Variants in SMAP1 observed in about 807,000 individuals in gnomAD.
SMAP1 encodes stromal membrane-associated protein 1.
In SMAP1, 24 loss-of-function variants were observed where a neutral mutation model predicts 58.5. That is an observed-to-expected ratio of 0.41 (90% CI 0.30 to 0.58). The LOEUF is 0.58. SMAP1 is among the 20% of genes least tolerant of loss of function. The pLI is 0.29. For synonymous variants in SMAP1, 216 were observed against 196.6 expected, an observed-to-expected ratio of 1.10 and a Z score of -0.82; for missense variants, 563 against 566.3, an observed-to-expected ratio of 0.99 and a Z score of 0.06.
At chr6:70,790,201 C>T (rs1418318643) in intron 4 of SMAP1, among the ~76,000 whole-genome samples, 3 of 152,010 alleles carry the variant, frequency 2.0e-5, no homozygotes, top group South Asian at 2.1e-4. Context: ...AGTGCAGTGG[C>T]GTGATCTTGG....
chr6:70,758,470 T>C (rs988231658), intron 3 of SMAP1, among the ~76,000 whole-genome samples: 2 of 151,610 alleles, frequency 1.3e-5, no homozygotes, highest in Non-Finnish European at 2.9e-5. Flanking sequence ...TGTATACATA[T>C]GTAACTAACC....
At chr6:70,673,318 G>A (rs13196394) in intron 1 of SMAP1, among the ~76,000 whole-genome samples, 18,868 of 152,262 alleles carry the variant, frequency 0.12, 1,469 homozygotes, top group South Asian at 0.2. Context: ...ACCACTTAGT[G>A]TCTGTAGACG....
intron 1 of SMAP1, among the ~76,000 whole-genome samples, chr6:70,694,951 T>A (rs1406507889): frequency 1.3e-5 from 2 of 152,224 alleles, no homozygotes; most frequent in African/African-American, 4.8e-5. Flanking sequence ...ATATTTCCGT[T>A]TTTTTGTGCG....
intron 3 of SMAP1, chr6:70,759,910 C>T (rs1182793217): frequency 2.3e-6 from 1 of 432,266 alleles, no homozygotes; most frequent in Non-Finnish European, 4.6e-6. Flanking sequence ...CTGACCATGG[C>T]ATTTTATGTA....
intron 3 of SMAP1, among the ~76,000 whole-genome samples, chr6:70,771,640 C>G (rs963857906): frequency 6.6e-6 from 1 of 152,148 alleles, no homozygotes; most frequent in South Asian, 2.1e-4. Flanking sequence ...CCCGATTTTC[C>G]AGGTGCCGTC....
chr6:70,756,250 T>C (rs548991072), intron 3 of SMAP1, among the ~76,000 whole-genome samples: 1 of 152,080 alleles, frequency 6.6e-6, no homozygotes, highest in Non-Finnish European at 1.5e-5. Context: ...TCAATTATAT[T>C]GTACCCATTT....
intron 10 of SMAP1, chr6:70,859,419 A>G (rs1771598409): frequency 6.5e-7 from 1 of 1,537,924 alleles, no homozygotes; most frequent in East Asian, 2.5e-5. Flanking sequence ...TTTAGTAGGT[A>G]TGAAGACGTG....
intron 3 of SMAP1, among the ~76,000 whole-genome samples, chr6:70,755,962 A>C (rs1350627225): frequency 6.6e-6 from 1 of 152,086 alleles, no homozygotes; most frequent in Non-Finnish European, 1.5e-5. Context: ...TGTTTGCTTT[A>C]TGAATCCACC....
chr6:70,682,572 AT>A (rs1252983059), intron 1 of SMAP1, among the ~76,000 whole-genome samples: 1 of 152,152 alleles, frequency 6.6e-6, no homozygotes. Context: ...ACTGATTGGT[AT>A]GTTTTCTAAC....
intron 3 of SMAP1, among the ~76,000 whole-genome samples, chr6:70,766,538 T>C (rs1766994644): frequency 6.6e-6 from 1 of 152,214 alleles, no homozygotes; most frequent in Admixed American, 6.5e-5. Context: ...GCTGCATAAA[T>C]GTCTTCTTTT....
chr6:70,760,693 T>A (rs1766711822), intron 3 of SMAP1, among the ~76,000 whole-genome samples: 1 of 152,060 alleles, frequency 6.6e-6, no homozygotes, highest in Admixed American at 6.6e-5. Context: ...TTTCTGTAGT[T>A]TTATAGATAT....
intron 2 of SMAP1, among the ~76,000 whole-genome samples, chr6:70,736,908 A>G (rs1765639727): frequency 6.6e-6 from 1 of 152,160 alleles, no homozygotes; most frequent in African/African-American, 2.4e-5. Flanking sequence ...TTTTACTTCC[A>G]TCCTAAGAAA....
At chr6:70,860,052 T>G in intron 10 of SMAP1, 148 bp from the exon 11 acceptor site, 1 of 833,920 alleles carries the variant, frequency 1.2e-6, no homozygotes, top group Non-Finnish European at 1.7e-6. Context: ...CTATTTGCTT[T>G]AAGAAATATT....
intron 1 of SMAP1, among the ~76,000 whole-genome samples, chr6:70,704,531 A>G (rs1767760890): frequency 6.6e-6 from 1 of 152,096 alleles, no homozygotes. Context: ...GTCTCCTTCC[A>G]TTTCATAGAA....
intron 2 of SMAP1, among the ~76,000 whole-genome samples, chr6:70,742,807 A>G (rs894351320): frequency 1.3e-5 from 2 of 152,208 alleles, no homozygotes; most frequent in Non-Finnish European, 1.5e-5. Context: ...AGGCCTCACA[A>G]TCATGGCAGA....
At chr6:70,714,051 G>A (rs1182975607) in intron 1 of SMAP1, among the ~76,000 whole-genome samples, 1 of 151,982 alleles carries the variant, frequency 6.6e-6, no homozygotes, top group African/African-American at 2.4e-5. Flanking sequence ...ATGCAAATAT[G>A]GCCACTCTTT....
At chr6:70,842,625 CG>C (rs1455783801) in intron 7 of SMAP1, among the ~76,000 whole-genome samples, 1 of 152,108 alleles carries the variant, frequency 6.6e-6, no homozygotes, top group Non-Finnish European at 1.5e-5. Context: ...CTTCAAACTA[CG>C]AGTAACAGGA....
chr6:70,725,733 C>G (rs1190418921), intron 1 of SMAP1, among the ~76,000 whole-genome samples: 2 of 152,202 alleles, frequency 1.3e-5, no homozygotes, highest in Non-Finnish European at 2.9e-5. Flanking sequence ...GGGCAAAATT[C>G]TCTACCCTTT....
intron 6 of SMAP1, among the ~76,000 whole-genome samples, chr6:70,834,371 CA>C (rs3034191): frequency 1.8e-3 from 246 of 136,302 alleles, no homozygotes; most frequent in East Asian, 2.9e-3. Flanking sequence ...TAAAATACAC[CA>C]AAAAAAAAAA....
Sources: gnomAD v4.1 joint callset for allele counts (sites outside exome capture counted in the v4.1 genomes callset) on GRCh38, gnomAD v4.1.1 for gene constraint, MANE v1.5 for transcripts, NCBI Gene and HGNC (gene_info 2026-07-23, HGNC 2026-07-21) for gene names.